The following PHKB variants were observed in gnomAD, a reference collection of about 807,000 sequenced individuals.
PHKB encodes the protein phosphorylase b kinase regulatory subunit beta.
PHKB carries 122 observed loss-of-function variants against 152.1 expected under a neutral mutation model. The ratio of observed to expected loss-of-function variants is 0.80; its 90% CI spans 0.69 to 0.93. The LOEUF (loss-of-function observed/expected upper bound fraction) is 0.93, where lower values mean the gene tolerates loss of function less well. Ranked by LOEUF, PHKB falls within the 40% of genes least tolerant of loss-of-function variation. PHKB has a pLI of 0.00. For missense variants in PHKB, 1,304 were observed against 1,328.4 expected, an observed-to-expected ratio of 0.98 and a Z score of 0.29; for synonymous variants, 436 against 464.9, an observed-to-expected ratio of 0.94 and a Z score of 0.80.
intron 6 of PHKB, among the ~76,000 whole-genome samples, chr16:47,532,457 C>T (rs1429274038): frequency 6.6e-6 from 1 of 152,202 alleles, no homozygotes; most frequent in African/African-American, 2.4e-5. Flanking sequence ...TTCCACTTGG[C>T]TCATGCTACC....
chr16:47,517,523 C>T (rs1970618689), intron 6 of PHKB, among the ~76,000 whole-genome samples: 1 of 152,142 alleles, frequency 6.6e-6, no homozygotes, highest in Non-Finnish European at 1.5e-5. Context: ...TCCTAAAGTA[C>T]TGGGATTACA....
intron 29 of PHKB, among the ~76,000 whole-genome samples, chr16:47,696,945 A>G (rs936170019): frequency 2.0e-5 from 3 of 152,244 alleles, no homozygotes; most frequent in Non-Finnish European, 2.9e-5. Context: ...GCAAGAGATC[A>G]TTGCTGTTAA....
At position 47,682,729 on chromosome 16, in the gene PHKB, T is replaced by G. The variant is rs184003640; in HGVS notation, c.2631-6312T>G. On this transcript the variant is annotated intron_variant, in intron 26 of 30. Transcript: ENST00000323584. ...TTGAATTTCCTCCTGTAGCTCGGAG[T>G]AGTTTGATCGTCTGAAGCCTTCTTC... Among the ~76,000 whole-genome samples, 361 of 152,164 alleles carry G rather than the reference T, an allele frequency of 2.4e-3. 1 individual carries two copies. The highest frequency in any genetic ancestry group is 8.1e-3 in the African/African-American group (335 of 41,530).
chr16:47,689,301 C>A, intron 27 of PHKB, 126 bp downstream of exon 27: 1 of 855,716 alleles, frequency 1.2e-6, no homozygotes, highest in Non-Finnish European at 1.9e-6. Flanking sequence ...TGTCAGAGGC[C>A]ACCCCACTAG....
At chr16:47,610,159 A>ATTTTTTTTTTTTTTTTTT (rs371224839) in intron 13 of PHKB, among the ~76,000 whole-genome samples, 11 of 99,448 alleles carry the variant, frequency 1.1e-4, no homozygotes, top group Non-Finnish European at 1.5e-4. Context: ...TGCCCAGCTA[A>ATTTTTTTTTTTTTTTTTT]TTTTTTTTTT....
chr16:47,570,697 T>A (rs1308684946), intron 7 of PHKB, among the ~76,000 whole-genome samples: 2 of 151,944 alleles, frequency 1.3e-5, no homozygotes, highest in Non-Finnish European at 2.9e-5. Context: ...TTTTTTTATT[T>A]CTTTATATTG....
At chr16:47,616,502 T>TATATGTAAATATAAATATATATTTATA (rs1464037077) in intron 14 of PHKB, among the ~76,000 whole-genome samples, 9 of 146,226 alleles carry the variant, frequency 6.2e-5, no homozygotes, top group African/African-American at 2.2e-4. Flanking sequence ...TTTATATATT[T>TATATGTAAATATAAATATATATTTATA]ATATGTAAAT....
intron 9 of PHKB, among the ~76,000 whole-genome samples, chr16:47,588,504 C>A (rs1971972809): frequency 6.6e-6 from 1 of 151,902 alleles, no homozygotes; most frequent in Non-Finnish European, 1.5e-5. Context: ...TGGATATTGT[C>A]CCATACCAGT....
chr16:47,555,561 A>G (rs1162354745), intron 7 of PHKB, among the ~76,000 whole-genome samples: 1 of 152,236 alleles, frequency 6.6e-6, no homozygotes, highest in Non-Finnish European at 1.5e-5. Context: ...CAATAATCAA[A>G]TCAGTCAATG....
intron 1 of PHKB, among the ~76,000 whole-genome samples, chr16:47,476,717 C>G (rs921698333): frequency 3.3e-5 from 5 of 152,126 alleles, no homozygotes; most frequent in African/African-American, 1.2e-4. Context: ...TTACTGGTGT[C>G]ACTGTCTTAA....
chr16:47,503,908 A>G (rs1331552015), intron 4 of PHKB, among the ~76,000 whole-genome samples: 1 of 152,230 alleles, frequency 6.6e-6, no homozygotes, highest in Non-Finnish European at 1.5e-5. Context: ...AACAACATTT[A>G]AAAAACTATA....
chr16:47,672,486 G>T (rs1431807051), intron 26 of PHKB, among the ~76,000 whole-genome samples: 1 of 152,144 alleles, frequency 6.6e-6, no homozygotes, highest in African/African-American at 2.4e-5. Context: ...GACAGACTGA[G>T]AAGTATAGGT....
At chr16:47,468,192 C>A (rs1969702810) in intron 1 of PHKB, among the ~76,000 whole-genome samples, 1 of 152,182 alleles carries the variant, frequency 6.6e-6, no homozygotes, top group Non-Finnish European at 1.5e-5. Context: ...CTAGTCCAAG[C>A]CACTTTTATC....
chr16:47,623,697 G>A (rs1453043867), intron 14 of PHKB, among the ~76,000 whole-genome samples: 4 of 151,688 alleles, frequency 2.6e-5, no homozygotes. Flanking sequence ...GGGATTACAG[G>A]GACCTGCCAT....
intron 3 of PHKB, among the ~76,000 whole-genome samples, chr16:47,500,597 G>T (rs962544755): frequency 1.3e-5 from 2 of 151,954 alleles, no homozygotes; most frequent in Admixed American, 1.3e-4. Context: ...GATAGAGCCA[G>T]GGTCAGAATT....
intron 8 of PHKB, among the ~76,000 whole-genome samples, chr16:47,585,613 T>C (rs535334075): frequency 6.6e-6 from 1 of 152,352 alleles, no homozygotes; most frequent in South Asian, 2.1e-4. Flanking sequence ...TGGGATATTT[T>C]TGTAAGAAGA....
At chr16:47,631,233 T>C (rs914369711) in intron 14 of PHKB, among the ~76,000 whole-genome samples, 37 of 152,206 alleles carry the variant, frequency 2.4e-4, no homozygotes, top group African/African-American at 8.4e-4. Flanking sequence ...ATGTGCCATA[T>C]TGATTTCAGA....
chr16:47,509,929 G>A (rs1224433026), intron 4 of PHKB, among the ~76,000 whole-genome samples: 2 of 152,198 alleles, frequency 1.3e-5, no homozygotes, highest in Non-Finnish European at 2.9e-5. Context: ...GACACCAATT[G>A]TAAGTAGTAG....
At chr16:47,616,298 A>G (rs961305618) in intron 14 of PHKB, among the ~76,000 whole-genome samples, 8 of 151,696 alleles carry the variant, frequency 5.3e-5, no homozygotes, top group Non-Finnish European at 1.2e-4. Flanking sequence ...AGAATTTTAT[A>G]GTTTTAGCTC....
Sources: allele counts gnomAD v4.1 joint callset (sites outside exome capture counted in the v4.1 genomes callset), GRCh38; gene constraint gnomAD v4.1.1; transcripts MANE v1.5; gene names NCBI Gene and HGNC (gene_info 2026-07-23, HGNC 2026-07-21).